The following MPDZ variants were observed in gnomAD, a reference collection of about 807,000 sequenced individuals.
MPDZ encodes the protein multiple PDZ domain protein.
MPDZ carries 234 observed loss-of-function variants against 239.1 expected under a neutral mutation model. The observed-to-expected ratio is 0.98, with a 90% confidence interval of 0.88 to 1.09. The LOEUF (loss-of-function observed/expected upper bound fraction) is 1.09, where lower values mean the gene tolerates loss of function less well. Ranked by LOEUF, MPDZ falls within the 50% of genes least tolerant of loss-of-function variation. The pLI is 0.00. For missense variants in MPDZ, 3,175 were observed against 2,510.0 expected (o/e 1.26, Z -5.66); for synonymous variants, 1,048 against 881.3 (o/e 1.19, Z -3.35).
chr9:13,265,040 A>G (rs895434850), intron 1 of MPDZ, among the ~76,000 whole-genome samples: 5 of 152,250 alleles, frequency 3.3e-5, no homozygotes, highest in Non-Finnish European at 7.3e-5. Context: ...GCAGGTGAAC[A>G]CAACAATGTG....
chr9:13,125,448 C>G, intron 34 of MPDZ, 58 bp from the exon 35 acceptor site: 1 of 1,452,606 alleles, frequency 6.9e-7, no homozygotes, highest in African/African-American at 1.4e-5. Context: ...AGTAGACATA[C>G]CAATGAGTCA....
intron 3 of MPDZ, among the ~76,000 whole-genome samples, chr9:13,241,399 T>C (rs1023883775): frequency 2.6e-5 from 4 of 152,292 alleles, no homozygotes; most frequent in African/African-American, 9.6e-5. Context: ...AAATAATTCT[T>C]GTTAATGAAA....
intron 1 of MPDZ, among the ~76,000 whole-genome samples, chr9:13,268,891 G>A (rs182604895): frequency 1.3e-5 from 2 of 152,328 alleles, no homozygotes; most frequent in African/African-American, 4.8e-5. Flanking sequence ...AGGGAGTTTG[G>A]AGGGTACAGG....
chr9:13,221,621 T>C, intron 6 of MPDZ, 121 bp from the exon 7 acceptor site: 1 of 1,058,514 alleles, frequency 9.4e-7, no homozygotes, highest in Non-Finnish European at 1.3e-6. Context: ...GACATAATAA[T>C]GAGTCCTAAC....
At chr9:13,174,753 C>G (rs1263073663) in intron 21 of MPDZ, among the ~76,000 whole-genome samples, 7 of 152,120 alleles carry the variant, frequency 4.6e-5, no homozygotes, top group African/African-American at 9.7e-5. Context: ...AGCTTTGTAT[C>G]ATCATCCTAT....
rs865811769 is a variant in MPDZ, at chr9:13,105,758, C to T, written c.*1207G>A. 2.0e-5 allele frequency: 3 copies of T among 152,100 alleles called. No individual in the cohort carries two copies. The highest frequency in any genetic ancestry group is 3.8e-4 in the East Asian group (2 of 5,196). The allele number at this position is 152,100 out of a possible 1,614,324, so 9.4% of individuals were successfully genotyped here. A position where few individuals can be genotyped will look rare whatever the true frequency, so the allele number is the denominator to read the frequency against. On this transcript the variant is annotated 3_prime_UTR_variant, in exon 47 of 47. Coordinates refer to ENST00000319217, the MANE Select transcript of MPDZ (RefSeq NM_001378778.1). The stretch of plus-strand genomic sequence containing the variant: ...TATTCACTTTAATTCTGCATTTACA[C>T]AAAAATGCTGTAATAAAATATCTGT...
At position 13,223,595 on chromosome 9, in the gene MPDZ, A is replaced by C; in HGVS notation, c.509T>G (p.Ile170Arg). The change falls in exon 5 of 47, where the codon ATA becomes AGA. Residue 170 changes from isoleucine (I) to arginine (R), a missense_variant. Transcript: ENST00000319217. ...RGELGIFVQE[I>R]QEGSVAHRDG... ...CCTATGGGCCACACTGCCCTCTTGT[A>C]TCTCTTGAACAAATATTCCCAGCTC... 1 of 1,612,230 alleles carries C rather than the reference A, an allele frequency of 6.2e-7. No homozygotes were observed. Among genetic ancestry groups the C allele is most frequent in the Non-Finnish European group, 8.5e-7 (1 of 1,178,808 alleles).
intron 12 of MPDZ, among the ~76,000 whole-genome samples, chr9:13,203,612 G>C (rs947044005): frequency 3.9e-5 from 6 of 152,030 alleles, no homozygotes; most frequent in African/African-American, 1.4e-4. Context: ...CCCCTTGTCT[G>C]AGGACTAGTA....
intron 10 of MPDZ, among the ~76,000 whole-genome samples, chr9:13,209,582 T>G (rs1440229281): frequency 1.3e-5 from 2 of 152,162 alleles, no homozygotes; most frequent in African/African-American, 4.8e-5. Context: ...GAATGTGAAA[T>G]ATCACGGTCC....
chr9:13,139,397 T>G (rs1947308884), intron 28 of MPDZ, among the ~76,000 whole-genome samples: 1 of 152,212 alleles, frequency 6.6e-6, no homozygotes, highest in Non-Finnish European at 1.5e-5. Flanking sequence ...CAGCTGCCTA[T>G]GAAAGACTGC....
intron 1 of MPDZ, among the ~76,000 whole-genome samples, chr9:13,251,128 C>CAAAAAAAAAAAAAAAAAAAAAAAAGAAAA: frequency 2.7e-5 from 1 of 36,448 alleles, no homozygotes; most frequent in African/African-American, 1.2e-4. Flanking sequence ...GACTCCATCT[C>CAAAAAAAAAAAAAAAAAAAAAAAAGAAAA]AAAAAAAAAA....
intron 22 of MPDZ, 45 bp from the exon 23 acceptor site, chr9:13,162,840 T>A (rs1485584036): frequency 7.2e-7 from 1 of 1,396,842 alleles, no homozygotes; most frequent in Non-Finnish European, 1.0e-6. Flanking sequence ...AATAATATTT[T>A]GCCTAATTGT....
chr9:13,180,057 C>G (rs1474763275), intron 19 of MPDZ, among the ~76,000 whole-genome samples: 1 of 152,000 alleles, frequency 6.6e-6, no homozygotes, highest in Non-Finnish European at 1.5e-5. Context: ...TCTTTTATAC[C>G]TTGGAGAGCC....
intron 3 of MPDZ, among the ~76,000 whole-genome samples, chr9:13,225,335 G>T (rs1238515939): frequency 6.6e-6 from 1 of 151,804 alleles, no homozygotes; most frequent in East Asian, 1.9e-4. Context: ...CTATGCATAA[G>T]AGTTTTTTAC....
chr9:13,142,772 G>A (rs1947897142), intron 27 of MPDZ, among the ~76,000 whole-genome samples: 1 of 152,032 alleles, frequency 6.6e-6, no homozygotes, highest in South Asian at 2.1e-4. Flanking sequence ...CATGGTATTT[G>A]TTACAATAAC....
intron 10 of MPDZ, among the ~76,000 whole-genome samples, chr9:13,210,733 T>C (rs185360949): frequency 6.6e-6 from 1 of 152,086 alleles, no homozygotes; most frequent in African/African-American, 2.4e-5. Flanking sequence ...AAAGAGACAA[T>C]CTATGAAACA....
At chr9:13,217,515 G>A (rs1221732658) in intron 8 of MPDZ, among the ~76,000 whole-genome samples, 2 of 151,786 alleles carry the variant, frequency 1.3e-5, no homozygotes, top group Non-Finnish European at 2.9e-5. Context: ...GAATAAGGTT[G>A]AACCTTCCCT....
At chr9:13,116,302 T>A (rs1943435910) in intron 39 of MPDZ, among the ~76,000 whole-genome samples, 1 of 152,224 alleles carries the variant, frequency 6.6e-6, no homozygotes, top group Non-Finnish European at 1.5e-5. Flanking sequence ...CTGTAATGGA[T>A]GTTTAACCTT....
At chr9:13,259,242 G>A (rs1257855817) in intron 1 of MPDZ, among the ~76,000 whole-genome samples, 1 of 150,066 alleles carries the variant, frequency 6.7e-6, no homozygotes, top group Non-Finnish European at 1.5e-5. Flanking sequence ...TCCGCCTCCT[G>A]GGTTCAAGCG....
Sources: allele counts gnomAD v4.1 joint callset (sites outside exome capture counted in the v4.1 genomes callset), GRCh38; gene constraint gnomAD v4.1.1; transcripts MANE v1.5; gene names NCBI Gene and HGNC (gene_info 2026-07-23, HGNC 2026-07-21).